The following FLVCR1 variants were observed in gnomAD, a reference collection of about 807,000 sequenced individuals.
FLVCR1 encodes the protein FLVCR choline and heme transporter 1.
Under a neutral mutation model 53.6 loss-of-function variants are expected in FLVCR1, and 34 were observed. The observed-to-expected ratio is 0.63, with a 90% confidence interval of 0.48 to 0.84. The LOEUF is 0.84. Ranked by LOEUF, FLVCR1 falls within the 40% of genes least tolerant of loss-of-function variation. The pLI, the probability that FLVCR1 is intolerant of heterozygous loss-of-function variation, is 0.00. For synonymous variants in FLVCR1, 300 were observed against 286.3 expected (o/e 1.05, Z -0.48); for missense variants, 677 against 696.7 (o/e 0.97, Z 0.32).
intron 3 of FLVCR1, among the ~76,000 whole-genome samples, chr1:212,879,143 G>A (rs144038853): frequency 6.6e-6 from 1 of 152,346 alleles, no homozygotes; most frequent in East Asian, 1.9e-4. Context: ...GCCAGTTGTA[G>A]ATTTGGATTG....
chr1:212,884,153 G>T (rs1199323285), intron 4 of FLVCR1, among the ~76,000 whole-genome samples: 1 of 152,150 alleles, frequency 6.6e-6, no homozygotes, highest in Non-Finnish European at 1.5e-5. Flanking sequence ...TACAAAATTA[G>T]CTGGGCATGG....
chr1:212,875,828 A>C (rs943409311), intron 3 of FLVCR1, among the ~76,000 whole-genome samples: 2 of 148,724 alleles, frequency 1.3e-5, no homozygotes, highest in South Asian at 2.2e-4. Context: ...GTGACGGAGC[A>C]AGACTCCATC....
chr1:212,893,500 TC>T (rs1366105562), intron 8 of FLVCR1, among the ~76,000 whole-genome samples: 1 of 152,208 alleles, frequency 6.6e-6, no homozygotes, highest in Non-Finnish European at 1.5e-5. Context: ...TTTGAGAGGA[TC>T]AACTCCTGTT....
Position 212,895,980 on chromosome 1 carries a change from C to T in FLVCR1, c.*690C>T, listed in dbSNP as rs1200006598. 1.3e-5 allele frequency: 2 copies of T among 152,404 alleles called. No individual in the cohort carries two copies. Among genetic ancestry groups the T allele is most frequent in the African/African-American group, 4.8e-5 (2 of 41,460 alleles). The allele number at this position is 152,404 out of a possible 1,614,324, so 9.4% of individuals were successfully genotyped here. On this transcript the variant is annotated 3_prime_UTR_variant, in exon 10 of 10. Coordinates refer to ENST00000366971, the MANE Select transcript of FLVCR1 (RefSeq NM_014053.4). The stretch of plus-strand genomic sequence containing the variant: ...CAGACTTTGGTCTTAGAATTATGTT[C>T]TAATTAAGGAGCCTGGTTACAGGTT...
At chr1:212,868,186 C>T (rs1270727774) in intron 2 of FLVCR1, among the ~76,000 whole-genome samples, 2 of 152,092 alleles carry the variant, frequency 1.3e-5, no homozygotes, top group Non-Finnish European at 2.9e-5. Context: ...CCTTGATCTC[C>T]TGGCCAGCCT....
At chr1:212,867,607 A>G (rs539202127) in intron 2 of FLVCR1, among the ~76,000 whole-genome samples, 221 of 152,168 alleles carry the variant, frequency 1.5e-3, no homozygotes, top group Non-Finnish European at 2.8e-3. Context: ...TTCTTGCATA[A>G]GTGGTAATGC....
rs369434267 is a variant in FLVCR1 at position 212,858,940 on chromosome 1, C to T, written c.488C>T (p.Pro163Leu). Residue 163 changes from proline to leucine, a missense_variant, in exon 1 of 10, where the codon CCG becomes CTG. Physicochemically the swap from Pro to Leu is moderately conservative, Grantham distance 98. Coordinates refer to ENST00000366971, the MANE Select transcript of FLVCR1 (RefSeq NM_014053.4). ...CTGGCCTACGTGCCCCTCATCTTCC[C>T]GGCCACCTGGCTGCTGGACACCAGA... is the stretch of plus-strand genomic sequence containing the variant. ...YMLAYVPLIF[P>L]ATWLLDTRGL... 9.3e-6 allele frequency: 15 copies of T among 1,614,114 alleles called. No individual in the cohort carries two copies. The highest frequency in any genetic ancestry group is 3.3e-5 in the Admixed American group (2 of 60,014).
At chr1:212,866,624 G>A (rs1402023685) in intron 2 of FLVCR1, among the ~76,000 whole-genome samples, 1 of 151,992 alleles carries the variant, frequency 6.6e-6, no homozygotes, top group Non-Finnish European at 1.5e-5. Context: ...GTTGAAGGAG[G>A]GAGACCAAGA....
chr1:212,877,276 T>C (rs1332411398), intron 3 of FLVCR1, among the ~76,000 whole-genome samples: 1 of 151,982 alleles, frequency 6.6e-6, no homozygotes, highest in Admixed American at 6.6e-5. Flanking sequence ...TTATATTATA[T>C]TTTAATATAA....
At chr1:212,886,673 A>G (rs1185971090) in intron 5 of FLVCR1, among the ~76,000 whole-genome samples, 3 of 151,988 alleles carry the variant, frequency 2.0e-5, no homozygotes, top group Non-Finnish European at 2.9e-5. Context: ...GGTGGTGGGC[A>G]CCTGTAATCC....
At chr1:212,878,236 C>T (rs7516817) in intron 3 of FLVCR1, among the ~76,000 whole-genome samples, 70,186 of 151,710 alleles carry the variant, frequency 0.46, 17,448 homozygotes, top group East Asian at 0.56. Context: ...GGCGCGGTGG[C>T]TCAGGCCTGT....
At chr1:212,893,353 C>T (rs1379407126) in intron 8 of FLVCR1, among the ~76,000 whole-genome samples, 1 of 152,114 alleles carries the variant, frequency 6.6e-6, no homozygotes, top group Admixed American at 6.5e-5. Flanking sequence ...CTGCGCCTGG[C>T]TGGGTTGCTT....
At position 212,898,462 on chromosome 1, in the gene FLVCR1, G is replaced by T. The variant is rs1665396176; in HGVS notation, c.*3172G>T. On this transcript the variant is annotated 3_prime_UTR_variant, in exon 10 of 10. Coordinates refer to ENST00000366971, the MANE Select transcript of FLVCR1 (RefSeq NM_014053.4). ...TATCAATGTTGTTTAAAATAATCAT[G>T]TACTTGTTGAGTTCCTGAGGTTTGG... 6.6e-6 allele frequency: 1 copy of T among 152,124 alleles called. No individual in the cohort carries two copies. The highest frequency in any genetic ancestry group is 2.4e-5 in the African/African-American group (1 of 41,416). 9.4% of individuals were successfully genotyped at this position (152,124 alleles called of 1,614,324 possible).
At chr1:212,893,558 CAGAG>C (rs1352487851) in intron 8 of FLVCR1, among the ~76,000 whole-genome samples, 3 of 152,046 alleles carry the variant, frequency 2.0e-5, no homozygotes, top group South Asian at 2.1e-4. Context: ...GTATTGCACA[CAGAG>C]AGATCTTTCA....
At chr1:212,878,575 A>G (rs1049427500) in intron 3 of FLVCR1, among the ~76,000 whole-genome samples, 10 of 151,668 alleles carry the variant, frequency 6.6e-5, no homozygotes, top group South Asian at 2.1e-4. Flanking sequence ...CCTAGAGACA[A>G]CTATTAAAAC....
intron 6 of FLVCR1, 134 bp downstream of exon 6, chr1:212,888,135 G>A: frequency 1.6e-6 from 1 of 644,986 alleles, no homozygotes; most frequent in Non-Finnish European, 2.7e-6. Context: ...TTCATTCTAT[G>A]CATATAAACA....
intron 5 of FLVCR1, among the ~76,000 whole-genome samples, chr1:212,886,039 G>GTT (rs1477656980): frequency 3.0e-5 from 2 of 66,284 alleles, no homozygotes; most frequent in African/African-American, 1.1e-4. Flanking sequence ...ACTTTATCTT[G>GTT]TTCTTTTTTT....
chr1:212,864,136 A>G (rs1352107990), intron 2 of FLVCR1, among the ~76,000 whole-genome samples: 2 of 152,158 alleles, frequency 1.3e-5, no homozygotes, highest in Admixed American at 6.5e-5. Flanking sequence ...TTTCAAATAT[A>G]TTACCTGCCT....
chr1:212,887,739 A>C (rs907312922), intron 5 of FLVCR1, 152 bp from the exon 6 acceptor site: 2 of 566,892 alleles, frequency 3.5e-6, no homozygotes, highest in Non-Finnish European at 6.3e-6. Context: ...AAATGCTTTA[A>C]AATTTGTGCT....
Sources: gnomAD v4.1 joint callset for allele counts (sites outside exome capture counted in the v4.1 genomes callset) on GRCh38, gnomAD v4.1.1 for gene constraint, MANE v1.5 for transcripts, NCBI Gene and HGNC (gene_info 2026-07-23, HGNC 2026-07-21) for gene names.